ADARB2: variants seen among roughly 807,000 people sequenced by gnomAD.
ADARB2 encodes the protein inactive double-stranded RNA-specific editase B2.
Under a neutral mutation model 62.2 loss-of-function variants are expected in ADARB2, and 25 were observed. That is an observed-to-expected ratio of 0.40 (90% CI 0.29 to 0.56). The LOEUF (loss-of-function observed/expected upper bound fraction) is 0.56. Ranked by LOEUF, ADARB2 falls within the 20% of genes least tolerant of loss-of-function variation. The pLI, the probability that ADARB2 is intolerant of heterozygous loss-of-function variation, is 0.43. For synonymous variants in ADARB2, 572 were observed against 500.8 expected (o/e 1.14, Z -1.90); for missense variants, 1,071 against 1,077.4 (o/e 0.99, Z 0.08).
At chr10:1,404,263 G>A (rs953095433) in intron 1 of ADARB2, among the ~76,000 whole-genome samples, 2 of 152,176 alleles carry the variant, frequency 1.3e-5, no homozygotes, top group African/African-American at 2.4e-5. Context: ...AGGACACAGG[G>A]AAGGGCATGG....
chr10:1,528,717 A>G (rs1832181004), intron 1 of ADARB2, among the ~76,000 whole-genome samples: 1 of 152,192 alleles, frequency 6.6e-6, no homozygotes, highest in Non-Finnish European at 1.5e-5. Flanking sequence ...TTTGTAGTGA[A>G]AACAGTTAGA....
intron 2 of ADARB2, among the ~76,000 whole-genome samples, chr10:1,374,414 C>T (rs111608097): frequency 2.6e-5 from 4 of 152,304 alleles, no homozygotes; most frequent in African/African-American, 7.2e-5. Context: ...GAATGTGGTG[C>T]TAAGTCTAAA....
At chr10:1,587,093 A>G (rs1478937268) in intron 1 of ADARB2, among the ~76,000 whole-genome samples, 1 of 152,212 alleles carries the variant, frequency 6.6e-6, no homozygotes, top group Admixed American at 6.5e-5. Flanking sequence ...AATGGCTAAA[A>G]TGATTATAAC....
At chr10:1,468,515 C>T (rs1320252072) in intron 1 of ADARB2, among the ~76,000 whole-genome samples, 1 of 152,202 alleles carries the variant, frequency 6.6e-6, no homozygotes, top group Non-Finnish European at 1.5e-5. Context: ...TCTCACAGGT[C>T]ACAGTGTTAT....
Position 1,180,146 on chromosome 10 carries a change from T to C in ADARB2, c.*3047A>G, listed in dbSNP as rs1836649074. 3 of 152,166 alleles carry C rather than the reference T, an allele frequency of 2.0e-5. No individual in the cohort carries two copies. Among genetic ancestry groups the C allele is most frequent in the African/African-American group, 7.2e-5 (3 of 41,404 alleles). 9.4% of individuals were successfully genotyped at this position (152,166 alleles called of 1,614,324 possible). A position where few individuals can be genotyped will look rare whatever the true frequency, so the allele number is the denominator to read the frequency against. On this transcript the variant is annotated 3_prime_UTR_variant, in exon 10 of 10. Transcript: ENST00000381312. ...AGGCTTCAACACGAGCCCTTCCATC[T>C]CTGCAGAGGTGGCACAGCCCCTCCA...
intron 7 of ADARB2, among the ~76,000 whole-genome samples, chr10:1,205,903 TGGGGTCAGGTGGAGGTCACGGGGCAGCCC>T (rs1187674513): frequency 9.3e-5 from 10 of 107,082 alleles, no homozygotes; most frequent in African/African-American, 3.4e-4. Context: ...GGCAGCCCAC[TGGGGTCAGGTGGAGGTCACGGGGCAGCCC>T]GCTGGGGTCA....
chr10:1,486,065 T>C (rs1831539625), intron 1 of ADARB2, among the ~76,000 whole-genome samples: 1 of 152,184 alleles, frequency 6.6e-6, no homozygotes, highest in African/African-American at 2.4e-5. Flanking sequence ...AGGGAGAAGA[T>C]GCACAGTTCC....
intron 3 of ADARB2, among the ~76,000 whole-genome samples, chr10:1,312,063 T>C (rs1046622602): frequency 6.6e-6 from 1 of 152,218 alleles, no homozygotes; most frequent in Non-Finnish European, 1.5e-5. Flanking sequence ...AATAAACTCA[T>C]GTGAAAATAA....
At chr10:1,591,401 C>G (rs1243235456) in intron 1 of ADARB2, among the ~76,000 whole-genome samples, 1 of 152,020 alleles carries the variant, frequency 6.6e-6, no homozygotes, top group African/African-American at 2.4e-5. Context: ...AAAGGGTTCG[C>G]TGCTGAGGGT....
At chr10:1,231,307 A>G (rs1378291772) in intron 6 of ADARB2, among the ~76,000 whole-genome samples, 3 of 152,234 alleles carry the variant, frequency 2.0e-5, no homozygotes, top group Non-Finnish European at 4.4e-5. Context: ...TGGAAAGATA[A>G]TTCCCAGTAG....
chr10:1,188,480 A>G (rs760113641), intron 8 of ADARB2, among the ~76,000 whole-genome samples: 1 of 152,098 alleles, frequency 6.6e-6, no homozygotes, highest in Non-Finnish European at 1.5e-5. Context: ...TCTGCAGGGG[A>G]CAGGACCATG....
At chr10:1,393,998 G>A (rs773729748) in intron 1 of ADARB2, among the ~76,000 whole-genome samples, 2 of 152,276 alleles carry the variant, frequency 1.3e-5, no homozygotes, top group African/African-American at 2.4e-5. Context: ...CATCATCCTC[G>A]TCCTTTCAGG....
intron 3 of ADARB2, among the ~76,000 whole-genome samples, chr10:1,346,706 C>G (rs1402562322): frequency 1.3e-5 from 2 of 152,266 alleles, no homozygotes. Flanking sequence ...CACCCCGTCT[C>G]CTGCTCCAGA....
intron 1 of ADARB2, among the ~76,000 whole-genome samples, chr10:1,400,495 C>T (rs1216756891): frequency 6.6e-6 from 1 of 152,180 alleles, no homozygotes; most frequent in Non-Finnish European, 1.5e-5. Flanking sequence ...GTGCTCTCTA[C>T]TAGATGCCCT....
chr10:1,645,456 A>C (rs1834028113), intron 1 of ADARB2, among the ~76,000 whole-genome samples: 1 of 152,190 alleles, frequency 6.6e-6, no homozygotes, highest in Non-Finnish European at 1.5e-5. Context: ...GGGGGATGCA[A>C]CCACTTTGTT....
intron 3 of ADARB2, among the ~76,000 whole-genome samples, chr10:1,324,564 C>T (rs764157223): frequency 5.3e-5 from 8 of 152,094 alleles, no homozygotes; most frequent in Non-Finnish European, 8.8e-5. Context: ...TGAAAAGGAA[C>T]GAAATATGAA....
rs1286802919 is a variant in ADARB2, at chr10:1,178,544, C to G, written c.*4649G>C. ...CCCTGCTCCTGCAGTGGCGAGGAAC[C>G]CAGACAGCGGCAAGGCCTACACCGT... is the stretch of plus-strand genomic sequence containing the variant. On this transcript the variant is annotated 3_prime_UTR_variant, in exon 10 of 10. Coordinates refer to ENST00000381312, the MANE Select transcript of ADARB2 (RefSeq NM_018702.4). The G allele has an allele frequency of 6.6e-6, 1 of 152,258 alleles. No individual in the cohort carries two copies. Among genetic ancestry groups the G allele is most frequent in the African/African-American group, 2.4e-5 (1 of 41,450 alleles). The allele number at this position is 152,258 out of a possible 1,614,324, so 9.4% of individuals were successfully genotyped here. A position where few individuals can be genotyped will look rare whatever the true frequency, so the allele number is the denominator to read the frequency against.
At chr10:1,344,477 T>C (rs1832060086) in intron 3 of ADARB2, among the ~76,000 whole-genome samples, 1 of 152,118 alleles carries the variant, frequency 6.6e-6, no homozygotes, top group South Asian at 2.1e-4. Context: ...AGAGGGAAGG[T>C]AAAAGGCAAG....
intron 1 of ADARB2, among the ~76,000 whole-genome samples, chr10:1,453,044 C>T (rs777734743): frequency 2.0e-5 from 3 of 152,132 alleles, no homozygotes; most frequent in Non-Finnish European, 4.4e-5. Context: ...GTCATTGGGG[C>T]CACACTTTGA....
Sources: gnomAD v4.1 joint callset for allele counts (sites outside exome capture counted in the v4.1 genomes callset) on GRCh38, gnomAD v4.1.1 for gene constraint, MANE v1.5 for transcripts, NCBI Gene and HGNC (gene_info 2026-07-23, HGNC 2026-07-21) for gene names.